Variants in IL16 observed in about 807,000 individuals in gnomAD.
IL16 encodes the protein interleukin 16.
A neutral mutation model predicts 110.1 loss-of-function variants in IL16; 67 were observed. The ratio of observed to expected loss-of-function variants is 0.61; its 90% CI spans 0.50 to 0.75. The LOEUF is 0.75. Among genes scored for constraint, IL16 ranks in the 30% least tolerant of loss-of-function variants. IL16 has a pLI of 0.00. For synonymous variants in IL16, 689 were observed against 662.9 expected (o/e 1.04, Z -0.61); for missense variants, 1,545 against 1,655.0 (o/e 0.93, Z 1.15).
At chr15:81,214,619 G>A (rs762034666) in intron 1 of IL16, among the ~76,000 whole-genome samples, 5 of 151,894 alleles carry the variant, frequency 3.3e-5, no homozygotes, top group Non-Finnish European at 7.4e-5. Context: ...GTTGTCTTGT[G>A]TAGTATCTAG....
chr15:81,274,878 A>T (rs1340531767), intron 6 of IL16, among the ~76,000 whole-genome samples: 1 of 152,128 alleles, frequency 6.6e-6, no homozygotes, highest in Non-Finnish European at 1.5e-5. Context: ...GAAGGTTTTT[A>T]TACTATGGGA....
intron 1 of IL16, among the ~76,000 whole-genome samples, chr15:81,203,574 A>G (rs867494253): frequency 0.019 from 2,954 of 152,136 alleles, 71 homozygotes; most frequent in African/African-American, 0.058. Context: ...TTTATTAAAT[A>G]GGGAATCCTT....
At chr15:81,292,095 T>C in intron 11 of IL16, 1 of 397,952 alleles carries the variant, frequency 2.5e-6, no homozygotes, top group South Asian at 1.8e-5. Context: ...CCTGGAGCTC[T>C]GCAGCCAAAG....
At chr15:81,241,104 C>T (rs61637497) in intron 2 of IL16, among the ~76,000 whole-genome samples, 3 of 151,936 alleles carry the variant, frequency 2.0e-5, no homozygotes, top group African/African-American at 7.2e-5. Flanking sequence ...ATTCAGGTTT[C>T]CTCTTATGAA....
chr15:81,300,092 C>T lies in IL16; in HGVS notation c.2766C>T (p.Ser922=). The change falls in exon 14 of 19, where the codon TCC becomes TCT. Residue 922 remains serine (S), a synonymous_variant. Coordinates refer to ENST00000683961, the MANE Select transcript of IL16 (RefSeq NM_172217.5). ...SEARDPGVSE[S]PPPGRQPNQK... ...CCAGAGACCCAGGTGTGTCTGAGTC[C>T]CCTCCCCCAGGGCGGCAGCCCAATC... The T allele has an allele frequency of 6.3e-7, 1 of 1,580,478 alleles. No homozygotes were observed. The highest frequency in any genetic ancestry group is 8.6e-7 in the Non-Finnish European group (1 of 1,164,378).
At position 81,254,911 on chromosome 15, in the gene IL16, A is replaced by G. The variant is rs537055409; in HGVS notation, c.313-4861A>G. Reference sequence around the variant, plus strand: ...AGAGAGGTGCCCTTTAAACATAACCATCAGTTACTATTAAAAGTAAAGAGC... The same window carrying G: ...AGAGAGGTGCCCTTTAAACATAACCGTCAGTTACTATTAAAAGTAAAGAGC... On this transcript the variant is annotated intron_variant, in intron 2 of 18. Coordinates refer to ENST00000683961, the MANE Select transcript of IL16 (RefSeq NM_172217.5). Among the ~76,000 whole-genome samples, 3 of 152,298 alleles carry G rather than the reference A, an allele frequency of 2.0e-5. No homozygotes were observed. The South Asian group carries it at 6.2e-4, about 32-fold the overall frequency.
chr15:81,246,297 C>T (rs1182965137), intron 2 of IL16, among the ~76,000 whole-genome samples: 8 of 152,172 alleles, frequency 5.3e-5, no homozygotes, highest in African/African-American at 1.4e-4. Flanking sequence ...CTGTCACCTT[C>T]GAAAGTTCCC....
intron 1 of IL16, among the ~76,000 whole-genome samples, chr15:81,200,558 A>G (rs1157067515): frequency 6.6e-6 from 1 of 151,970 alleles, no homozygotes; most frequent in Non-Finnish European, 1.5e-5. Context: ...TTTATTAGAG[A>G]TGGGGTTTTG....
intron 1 of IL16, among the ~76,000 whole-genome samples, chr15:81,198,665 T>C (rs1895686047): frequency 6.6e-6 from 1 of 151,606 alleles, no homozygotes; most frequent in African/African-American, 2.4e-5. Flanking sequence ...CCCTCCCCCT[T>C]TCTGGTTCCC....
chr15:81,225,282 T>G lies in IL16; in HGVS notation c.-101-17T>G. ...CAGCAAGTCACATTGCTTCTTCCCA[T>G]TTCCTCTTTCCTCTAGGGACTCATG... On this transcript the variant is annotated splice_polypyrimidine_tract_variant and intron_variant, in intron 1 of 18. Transcript: ENST00000683961. 2 of 1,494,712 alleles carry G rather than the reference T, an allele frequency of 1.3e-6. No individual in the cohort carries two copies. Among genetic ancestry groups the G allele is most frequent in the Non-Finnish European group, 1.8e-6 (2 of 1,125,402 alleles). The allele number at this position is 1,494,712 out of a possible 1,614,324, so 92.6% of individuals were successfully genotyped here. A position where few individuals can be genotyped will look rare whatever the true frequency, so the allele number is the denominator to read the frequency against.
chr15:81,243,283 C>T (rs1464625952), intron 2 of IL16, among the ~76,000 whole-genome samples: 1 of 142,832 alleles, frequency 7.0e-6, no homozygotes, highest in Non-Finnish European at 1.5e-5. Context: ...TCAAGAAATC[C>T]TCCCACCTCA....
intron 8 of IL16, among the ~76,000 whole-genome samples, chr15:81,282,050 T>C (rs1217107463): frequency 6.6e-6 from 1 of 152,264 alleles, no homozygotes; most frequent in African/African-American, 2.4e-5. Context: ...TTCACTGACA[T>C]GCCATTGTTG....
intron 1 of IL16, among the ~76,000 whole-genome samples, chr15:81,204,842 G>A (rs960998685): frequency 6.6e-6 from 1 of 152,014 alleles, no homozygotes; most frequent in Non-Finnish European, 1.5e-5. Flanking sequence ...GACATTCAGG[G>A]GACTGAAAAG....
chr15:81,242,430 T>C (rs1897369048), intron 2 of IL16, among the ~76,000 whole-genome samples: 1 of 152,192 alleles, frequency 6.6e-6, no homozygotes, highest in Admixed American at 6.5e-5. Context: ...TCTTTGTAGT[T>C]TGTAGCATAC....
At chr15:81,199,306 A>G (rs1340285404) in intron 1 of IL16, among the ~76,000 whole-genome samples, 2 of 152,116 alleles carry the variant, frequency 1.3e-5, no homozygotes, top group East Asian at 1.9e-4. Context: ...ATAAGGACGA[A>G]TCTATGTCAG....
chr15:81,277,232 T>A (rs1302564029), intron 6 of IL16, among the ~76,000 whole-genome samples: 3 of 151,832 alleles, frequency 2.0e-5, no homozygotes, highest in Non-Finnish European at 4.4e-5. Context: ...GGAGAATAGG[T>A]TGAAAGGGTC....
intron 12 of IL16, among the ~76,000 whole-genome samples, chr15:81,293,760 T>C (rs535788598): frequency 1.4e-4 from 21 of 152,336 alleles, no homozygotes; most frequent in Middle Eastern, 3.4e-3. Context: ...AGCCCTCCTT[T>C]CCACCCCTTG....
At chr15:81,197,890 C>T (rs954676519) in intron 1 of IL16, among the ~76,000 whole-genome samples, 2 of 152,012 alleles carry the variant, frequency 1.3e-5, no homozygotes, top group Non-Finnish European at 1.5e-5. Context: ...CATACAAAGA[C>T]GACCCCTTTG....
At chr15:81,204,759 AAAG>A (rs1245325097) in intron 1 of IL16, among the ~76,000 whole-genome samples, 99 of 127,640 alleles carry the variant, frequency 7.8e-4, no homozygotes, top group African/African-American at 3.1e-3. Flanking sequence ...TAAAAAAAAA[AAAG>A]AAAAAAAAGA....
Sources: gnomAD v4.1 joint callset for allele counts (sites outside exome capture counted in the v4.1 genomes callset) on GRCh38, gnomAD v4.1.1 for gene constraint, MANE v1.5 for transcripts, NCBI Gene and HGNC (gene_info 2026-07-23, HGNC 2026-07-21) for gene names.